SIK3: variants seen among roughly 807,000 people sequenced by gnomAD.
The protein encoded by SIK3 is serine/threonine-protein kinase SIK3.
Under a neutral mutation model 144.2 loss-of-function variants are expected in SIK3, and 28 were observed. The ratio of observed to expected loss-of-function variants is 0.19; its 90% CI spans 0.14 to 0.27. SIK3 has a LOEUF of 0.27. SIK3 is among the 10% of genes least tolerant of loss of function. The pLI is 1.00. For missense variants in SIK3, 1,319 were observed against 1,776.0 expected, an observed-to-expected ratio of 0.74 and a Z score of 4.62; for synonymous variants, 686 against 676.3, an observed-to-expected ratio of 1.01 and a Z score of -0.22.
At chr11:117,037,229 C>G (rs1952544047) in intron 1 of SIK3, among the ~76,000 whole-genome samples, 2 of 152,138 alleles carry the variant, frequency 1.3e-5, no homozygotes, top group South Asian at 4.1e-4. Context: ...CATGAAAAAT[C>G]TAAAAGATTC....
intron 1 of SIK3, among the ~76,000 whole-genome samples, chr11:117,039,268 CA>C: frequency 6.6e-6 from 1 of 152,126 alleles, no homozygotes; most frequent in East Asian, 1.9e-4. Flanking sequence ...TAAAGCTCAA[CA>C]ATGAAAAAAT....
At chr11:116,908,738 C>G (rs1191433732) in intron 4 of SIK3, among the ~76,000 whole-genome samples, 1 of 152,102 alleles carries the variant, frequency 6.6e-6, no homozygotes, top group Admixed American at 6.5e-5. Flanking sequence ...ACACAGTTGC[C>G]AGATGGGCAA....
intron 1 of SIK3, among the ~76,000 whole-genome samples, chr11:116,984,277 T>C (rs981925271): frequency 6.6e-6 from 1 of 152,114 alleles, no homozygotes; most frequent in African/African-American, 2.4e-5. Context: ...TGGCTATTAG[T>C]AGGCACTGGC....
At chr11:116,980,568 T>A (rs1050785949) in intron 1 of SIK3, among the ~76,000 whole-genome samples, 2 of 152,138 alleles carry the variant, frequency 1.3e-5, no homozygotes, top group African/African-American at 4.8e-5. Context: ...AAAATCATAA[T>A]CAGGTCAGCT....
intron 4 of SIK3, among the ~76,000 whole-genome samples, chr11:116,922,266 G>T (rs547990936): frequency 7.2e-5 from 11 of 152,308 alleles, no homozygotes; most frequent in African/African-American, 2.6e-4. Flanking sequence ...ACTTTGGGAG[G>T]TTAAGGAGGG....
At chr11:116,860,397 G>C (rs1443351089) in intron 19 of SIK3, among the ~76,000 whole-genome samples, 1 of 152,140 alleles carries the variant, frequency 6.6e-6, no homozygotes, top group African/African-American at 2.4e-5. Context: ...GACTGACTAG[G>C]GACGTAGCTC....
intron 1 of SIK3, among the ~76,000 whole-genome samples, chr11:117,050,467 C>G (rs1953187633): frequency 6.6e-6 from 1 of 151,946 alleles, no homozygotes; most frequent in Non-Finnish European, 1.5e-5. Context: ...GGGCAGATCA[C>G]TTGAGGTCAG....
At chr11:116,891,602 GGTAAA>G (rs1945115811) in intron 6 of SIK3, among the ~76,000 whole-genome samples, 1 of 152,086 alleles carries the variant, frequency 6.6e-6, no homozygotes, top group Non-Finnish European at 1.5e-5. Context: ...TAGAGGCAAT[GGTAAA>G]CCACTGAAAA....
At chr11:117,061,528 C>T (rs751328904) in intron 1 of SIK3, among the ~76,000 whole-genome samples, 17 of 152,092 alleles carry the variant, frequency 1.1e-4, no homozygotes, top group Non-Finnish European at 1.8e-4. Context: ...AAAGATTAAA[C>T]GAGTTCACAG....
In SIK3 at chr11:116,861,861, G is replaced by A. The variant is rs1356046801; in HGVS notation, c.2295C>T (p.Leu765=). ...CATACCTCTGGAGCTGATGGGTAAGGAGGGCTGGCTGATTTTCACATGCAG... is the reference window on the plus strand; with the variant it reads ...CATACCTCTGGAGCTGATGGGTAAGAAGGGCTGGCTGATTTTCACATGCAG... ...LQAACENQPA[L]LTHQLQRLRI... The change falls in exon 18 of 25, where the codon CTC becomes CTT. Residue 765 remains leucine (L), a synonymous_variant. Transcript: ENST00000445177. 6.2e-7 allele frequency: 1 copy of A among 1,612,076 alleles called. No individual in the cohort carries two copies. Among genetic ancestry groups the A allele is most frequent in the East Asian group, 2.2e-5 (1 of 44,884 alleles).
At chr11:116,957,912 GC>G (rs1019393909) in intron 1 of SIK3, among the ~76,000 whole-genome samples, 2 of 152,046 alleles carry the variant, frequency 1.3e-5, no homozygotes, top group Admixed American at 6.6e-5. Flanking sequence ...TTTCCAATGT[GC>G]CCCCTTTTAA....
chr11:117,078,364 A>T (rs1210804814), intron 1 of SIK3, among the ~76,000 whole-genome samples: 1 of 151,952 alleles, frequency 6.6e-6, no homozygotes, highest in Admixed American at 6.6e-5. Context: ...GTAACGTGTC[A>T]TGCACAAGGT....
intron 11 of SIK3, 97 bp from the exon 12 acceptor site, chr11:116,874,153 T>C: frequency 8.4e-7 from 1 of 1,190,078 alleles, no homozygotes; most frequent in Non-Finnish European, 1.2e-6. Flanking sequence ...TCAGTACAAC[T>C]TATTTTATTT....
At chr11:117,030,381 A>G (rs1952205004) in intron 1 of SIK3, among the ~76,000 whole-genome samples, 1 of 152,250 alleles carries the variant, frequency 6.6e-6, no homozygotes, top group South Asian at 2.1e-4. Flanking sequence ...GAATGGTTAA[A>G]TAAATTACTG....
Position 116,857,822 on chromosome 11 carries a change from C to G in SIK3, c.3643G>C (p.Val1215Leu). Residue 1215 changes from valine to leucine, a missense_variant, in exon 21 of 25, where the codon GTG becomes CTG. Physicochemically the swap from Val to Leu is conservative, Grantham distance 32. Coordinates refer to ENST00000445177, the MANE Select transcript of SIK3 (RefSeq NM_001366686.3). ...QPTAAFSKNK[V>L]PSREPVIGNC... ...AGGAGACACTTACCTCTGCTGGGCA[C>G]CTTATTTTTACTGAATGCAGCAGTT... is the stretch of plus-strand genomic sequence containing the variant. The G allele has an allele frequency of 6.2e-7, 1 of 1,614,164 alleles. No homozygotes were observed.
chr11:116,867,781 G>T lies in SIK3; in HGVS notation c.1952+165C>A. On this transcript the variant is annotated intron_variant, in intron 15 of 24. Coordinates refer to ENST00000445177, the MANE Select transcript of SIK3 (RefSeq NM_001366686.3). The surrounding 1 kb of genome is among the most constrained non-coding windows in gnomAD (Gnocchi z 4.1). ...CTCCAGGGCGCAGTAAAAAACCTTT[G>T]CCCTGTGCATTGCTTACTGCAAGGA... The T allele has an allele frequency of 1.6e-6, 1 of 621,934 alleles. No homozygotes were observed. The highest frequency in any genetic ancestry group is 2.6e-6 in the Non-Finnish European group (1 of 385,866). The allele number at this position is 621,934 out of a possible 1,614,324, so 38.5% of individuals were successfully genotyped here.
intron 3 of SIK3, among the ~76,000 whole-genome samples, chr11:116,938,876 A>C (rs1456909467): frequency 6.6e-6 from 1 of 152,182 alleles, no homozygotes; most frequent in Non-Finnish European, 1.5e-5. Flanking sequence ...GACTTAATGG[A>C]CTGAAGCACA....
At chr11:117,059,263 A>T (rs1953692207) in intron 1 of SIK3, among the ~76,000 whole-genome samples, 1 of 152,242 alleles carries the variant, frequency 6.6e-6, no homozygotes, top group Non-Finnish European at 1.5e-5. Context: ...TGGACATTAA[A>T]GGCATACAAA....
chr11:117,081,388 C>T (rs568642061), intron 1 of SIK3, among the ~76,000 whole-genome samples: 2 of 152,252 alleles, frequency 1.3e-5, no homozygotes, highest in East Asian at 3.9e-4. Context: ...CTTTGGAAGG[C>T]CGAGGCAGGC....
Sources: gnomAD v4.1 joint callset for allele counts (sites outside exome capture counted in the v4.1 genomes callset) on GRCh38, gnomAD v4.1.1 for gene constraint, Gnocchi (gnomAD v3.1) non-coding constraint, MANE v1.5 for transcripts, NCBI Gene and HGNC (gene_info 2026-07-23, HGNC 2026-07-21) for gene names.